Variants in UTP4 observed in about 807,000 individuals in gnomAD.
The protein encoded by UTP4 is U3 small nucleolar RNA-associated protein 4 homolog.
UTP4 carries 45 observed loss-of-function variants against 82.4 expected under a neutral mutation model. That is an observed-to-expected ratio of 0.55 (90% confidence interval 0.43 to 0.70). UTP4 has a LOEUF of 0.70. Among genes scored for constraint, UTP4 ranks in the 30% least tolerant of loss-of-function variants. The pLI, the probability that UTP4 is intolerant of heterozygous loss-of-function variation, is 0.00. For synonymous variants in UTP4, 348 were observed against 300.3 expected, an observed-to-expected ratio of 1.16 and a Z score of -1.64; for missense variants, 819 against 858.3, an observed-to-expected ratio of 0.95 and a Z score of 0.57.
chr16:69,165,290 T>C, intron 14 of UTP4, 51 bp from the exon 15 acceptor site: 1 of 1,502,216 alleles, frequency 6.7e-7, no homozygotes, highest in Non-Finnish European at 9.3e-7. Context: ...AATGCCCTTC[T>C]GGTCTTTCTG....
At chr16:69,136,479 G>C (rs1267478783) in intron 2 of UTP4, among the ~76,000 whole-genome samples, 1 of 152,190 alleles carries the variant, frequency 6.6e-6, no homozygotes, top group African/African-American at 2.4e-5. Flanking sequence ...AAAATGTTTT[G>C]CCGAACTAGT....
intron 6 of UTP4, among the ~76,000 whole-genome samples, chr16:69,146,156 G>A (rs1361954493): frequency 6.7e-6 from 1 of 150,194 alleles, no homozygotes; most frequent in Non-Finnish European, 1.5e-5. Context: ...CATTAGTTTT[G>A]TAATTCTCCC....
At chr16:69,163,307 G>A (rs1266598493) in intron 14 of UTP4, 129 bp downstream of exon 14, 3 of 763,386 alleles carry the variant, frequency 3.9e-6, no homozygotes, top group East Asian at 2.6e-5. Context: ...TCTCCTGTGT[G>A]AAGTAAAGCT....
At chr16:69,154,259 A>G (rs1375108905) in intron 9 of UTP4, 134 bp from the exon 10 acceptor site, 2 of 703,428 alleles carry the variant, frequency 2.8e-6, no homozygotes. Flanking sequence ...TTGTGAGCTT[A>G]CTCAGTGAGC....
At chr16:69,163,443 C>G (rs1963615098) in intron 14 of UTP4, among the ~76,000 whole-genome samples, 1 of 152,006 alleles carries the variant, frequency 6.6e-6, no homozygotes, top group East Asian at 1.9e-4. Context: ...TTTTGAAGTA[C>G]TCATTTTCCT....
chr16:69,157,616 G>A (rs905301898), intron 12 of UTP4, among the ~76,000 whole-genome samples: 8 of 152,152 alleles, frequency 5.3e-5, no homozygotes, highest in Middle Eastern at 3.4e-3. Flanking sequence ...AGTATTTTGT[G>A]GGCATGTTGC....
At chr16:69,140,571 C>T (rs1489819446) in intron 5 of UTP4, among the ~76,000 whole-genome samples, 1 of 151,870 alleles carries the variant, frequency 6.6e-6, no homozygotes, top group African/African-American at 2.4e-5. Context: ...CAAAATTAGC[C>T]GGGGTGGTGG....
chr16:69,159,372 C>T (rs868010247), intron 12 of UTP4, among the ~76,000 whole-genome samples: 2 of 152,058 alleles, frequency 1.3e-5, no homozygotes, highest in East Asian at 1.9e-4. Context: ...TGAGCTACCA[C>T]GCCTGGCCTG....
chr16:69,150,951 C>T (rs1388231580), intron 8 of UTP4, 47 bp downstream of exon 8: 2 of 1,364,654 alleles, frequency 1.5e-6, no homozygotes, highest in Admixed American at 1.7e-5. Flanking sequence ...CTCCCCATCC[C>T]TGTGTCCCCC....
Position 69,152,145 on chromosome 16 carries a change from C to G in UTP4, c.1002+1241C>G, listed in dbSNP as rs994676810. Reference sequence around the variant, plus strand: ...ATCTCTTGAATCGAGTCATTCATTTCTCTTTGTCTACGCTGGCATCATCCT... The same window carrying G: ...ATCTCTTGAATCGAGTCATTCATTTGTCTTTGTCTACGCTGGCATCATCCT... On this transcript the variant is annotated intron_variant, in intron 8 of 16. Coordinates refer to ENST00000314423, the MANE Select transcript of UTP4 (RefSeq NM_032830.3). Among the ~76,000 whole-genome samples the G allele has an allele frequency of 3.3e-5, 5 of 151,734 alleles. No homozygotes were observed. In the East Asian group the frequency reaches 9.6e-4, roughly 29 times the overall value.
intron 6 of UTP4, among the ~76,000 whole-genome samples, chr16:69,147,051 C>T (rs1203388340): frequency 6.7e-6 from 1 of 148,806 alleles, no homozygotes; most frequent in African/African-American, 2.5e-5. Flanking sequence ...GTGCTGCGTG[C>T]CTGTAATCCC....
At chr16:69,157,037 GTA>G (rs773717053) in intron 11 of UTP4, 45 bp from the exon 12 acceptor site, 6 of 1,603,390 alleles carry the variant, frequency 3.7e-6, no homozygotes, top group Non-Finnish European at 5.1e-6. Context: ...CTGATGGGCT[GTA>G]GGTCTCCCTT....
chr16:69,155,496 A>C (rs560951097), intron 10 of UTP4, among the ~76,000 whole-genome samples: 5 of 152,320 alleles, frequency 3.3e-5, no homozygotes, highest in African/African-American at 1.2e-4. Flanking sequence ...ATTTCTTAGA[A>C]GTCTTTAAAG....
intron 5 of UTP4, among the ~76,000 whole-genome samples, chr16:69,141,069 C>T (rs1962947435): frequency 6.6e-6 from 1 of 152,188 alleles, no homozygotes; most frequent in Admixed American, 6.5e-5. Flanking sequence ...CTTACTGATA[C>T]ATTCCCACAT....
At chr16:69,164,596 A>ATATATATATATATATATATG (rs1176885403) in intron 14 of UTP4, among the ~76,000 whole-genome samples, 1 of 130,082 alleles carries the variant, frequency 7.7e-6, no homozygotes, top group Admixed American at 7.9e-5. Context: ...TTATATATAT[A>ATATATATATATATATATATG]TATATATATA....
rs1332073841 is a variant in UTP4, at chr16:69,157,115, C to T, written c.1319C>T (p.Ala440Val). 1.2e-6 allele frequency: 2 copies of T among 1,614,084 alleles called. No homozygotes were observed. The highest frequency in any genetic ancestry group is 1.7e-5 in the Admixed American group (1 of 59,992). Residue 440 changes from alanine (A) to valine (V), a missense_variant, in exon 12 of 17, where the codon GCC becomes GTC. Transcript: ENST00000314423. ...AAAATGCCAGCATTCCTTCGCTCTG[C>T]CCTTCAGATTTTGTTTTCTGAAGAT... The part of the protein sequence containing the change: ...VSKMPAFLRS[A>V]LQILFSEDST...
At chr16:69,165,619 A>AC in intron 15 of UTP4, 93 bp downstream of exon 15, 1 of 1,063,496 alleles carries the variant, frequency 9.4e-7, no homozygotes, top group Non-Finnish European at 1.4e-6. Flanking sequence ...AGAGACTCAG[A>AC]ATAAAGGTAG....
chr16:69,155,830 A>C (rs1963394541), intron 10 of UTP4, 41 bp from the exon 11 acceptor site: 1 of 1,613,470 alleles, frequency 6.2e-7, no homozygotes, highest in Non-Finnish European at 8.5e-7. Flanking sequence ...TTGTTATGTG[A>C]AGTTTAATTG....
chr16:69,139,755 A>G (rs1196894803), intron 4 of UTP4, 70 bp from the exon 5 acceptor site: 1 of 995,274 alleles, frequency 1.0e-6, no homozygotes, highest in Non-Finnish European at 1.6e-6. Context: ...TAGTTGTGGG[A>G]AGAGAGCTCA....
Sources: gnomAD v4.1 joint callset for allele counts (sites outside exome capture counted in the v4.1 genomes callset) on GRCh38, gnomAD v4.1.1 for gene constraint, MANE v1.5 for transcripts, NCBI Gene and HGNC (gene_info 2026-07-23, HGNC 2026-07-21) for gene names.